The following HMX3 variants were observed in gnomAD, a reference collection of about 807,000 sequenced individuals.
The protein encoded by HMX3 is homeobox protein HMX3.
HMX3 carries 8 observed loss-of-function variants against 22.8 expected under a neutral mutation model. The observed-to-expected ratio is 0.35, with a 90% CI of 0.21 to 0.63. The LOEUF (loss-of-function observed/expected upper bound fraction) is 0.63. Ranked by LOEUF, HMX3 falls within the 30% of genes least tolerant of loss-of-function variation. HMX3 has a pLI of 0.72. For synonymous variants in HMX3, 331 were observed against 250.9 expected (o/e 1.32, Z -3.02); for missense variants, 527 against 520.6 (o/e 1.01, Z -0.12).
In HMX3 at chr10:123,137,075, C is replaced by T; in HGVS notation, c.418C>T (p.Leu140=). 6.2e-7 allele frequency: 1 copy of T among 1,609,914 alleles called. No individual in the cohort carries two copies. The highest frequency in any genetic ancestry group is 8.5e-7 in the Non-Finnish European group (1 of 1,178,660). ...PRPEASEKAL[L]RDSSPASGTD... ...CTCCCCAGCCTCGGAGAAGGCCTTGCTGAGAGACTCCTCCCCCGCCTCCGG... is the reference window on the plus strand; with the variant it reads ...CTCCCCAGCCTCGGAGAAGGCCTTGTTGAGAGACTCCTCCCCCGCCTCCGG... Residue 140 remains leucine, a synonymous_variant, in exon 2 of 2, where the codon CTG becomes TTG. Transcript: ENST00000357878. This position sits in a 1 kb window ranked among gnomAD's most constrained non-coding sequence, Gnocchi z 5.8.
rs1402384142 is a variant in HMX3 at position 123,137,300 on chromosome 10, G to A, written c.643G>A (p.Gly215Ser). 1.9e-6 allele frequency: 3 copies of A among 1,604,406 alleles called. No homozygotes were observed. The African/African-American group carries it at 4.0e-5, about 21-fold the overall frequency. ...TCCGGGCGCAGAAGACTGGAAGAAG[G>A]GCGCTGAAAGTCCAGAGAAGAAGCC... The part of the protein sequence containing the change: ...ATPGAEDWKK[G>S]AESPEKKPAC... The change falls in exon 2 of 2, where the codon GGC becomes AGC. Residue 215 changes from glycine to serine, a missense_variant. This residue lies in a region of HMX3 where 386 missense variants were observed against 337.8 expected (regional missense o/e 1.14). Transcript: ENST00000357878. This position sits in a 1 kb window ranked among gnomAD's most constrained non-coding sequence, Gnocchi z 5.8.
rs1238997480 is a variant in HMX3 at position 123,136,103 on chromosome 10, C to G, written c.53C>G (p.Pro18Arg). 2.9e-6 allele frequency: 4 copies of G among 1,389,918 alleles called. No individual in the cohort carries two copies. Among genetic ancestry groups the G allele is most frequent in the Non-Finnish European group, 3.7e-6 (4 of 1,070,980 alleles). The allele number at this position is 1,389,918 out of a possible 1,614,324, so 86.1% of individuals were successfully genotyped here. The change falls in exon 1 of 2, where the codon CCG (proline) becomes CGG (arginine). Residue 18 changes from proline to arginine, a missense_variant. Physicochemically the swap from Pro to Arg is moderately radical, Grantham distance 103 (BLOSUM62 -2). Transcript: ENST00000357878. The surrounding 1 kb of genome is among the most constrained non-coding windows in gnomAD (Gnocchi z 4.8). ...AAGTASAQPQ[P>R]PPPPPPAPKE... is the part of the protein sequence containing the mutation. Reference sequence around the variant, plus strand: ...GGCACCGCCAGCGCACAGCCCCAACCGCCGCCGCCCCCCCCACCCGCTCCC... The same window carrying G: ...GGCACCGCCAGCGCACAGCCCCAACGGCCGCCGCCCCCCCCACCCGCTCCC...
Position 123,137,404 on chromosome 10 carries a change from G to A in HMX3, c.747G>A (p.Lys249=). ...AGCTCGAGTCCACCTTCGACATGAA[G>A]CGCTATCTGAGCAGCTCGGAGCGAG... ...VFQLESTFDM[K]RYLSSSERAG... is the part of the protein sequence containing the mutation. Residue 249 remains lysine (K), a synonymous_variant, in exon 2 of 2, where the codon AAG becomes AAA. Coordinates refer to ENST00000357878, the MANE Select transcript of HMX3 (RefSeq NM_001105574.2). The surrounding 1 kb of genome is among the most constrained non-coding windows in gnomAD (Gnocchi z 5.8). 1.2e-6 allele frequency: 2 copies of A among 1,613,508 alleles called. No individual in the cohort carries two copies. The highest frequency in any genetic ancestry group is 1.6e-4 in the Middle Eastern group (1 of 6,062).
Position 123,137,772 on chromosome 10 carries a change from T to G in HMX3, c.*41T>G. 7.3e-7 allele frequency: 1 copy of G among 1,372,232 alleles called. No homozygotes were observed. Among genetic ancestry groups the G allele is most frequent in the Non-Finnish European group, 9.5e-7 (1 of 1,054,694 alleles). The allele number at this position is 1,372,232 out of a possible 1,614,324, so 85.0% of individuals were successfully genotyped here. On this transcript the variant is annotated 3_prime_UTR_variant, in exon 2 of 2. Coordinates refer to ENST00000357878, the MANE Select transcript of HMX3 (RefSeq NM_001105574.2). The surrounding 1 kb of genome is among the most constrained non-coding windows in gnomAD (Gnocchi z 5.8). ...GGGGAGGGAGCGCCCGGCCTCCTTG[T>G]CCGGACCCCGGAGGAGACTGGGCCG...
Position 123,136,232 on chromosome 10 carries a change from C to T in HMX3, c.182C>T (p.Ala61Val). The T allele has an allele frequency of 7.5e-6, 10 of 1,336,162 alleles. No individual in the cohort carries two copies. Among genetic ancestry groups the T allele is most frequent in the Non-Finnish European group, 9.5e-6 (10 of 1,047,396 alleles). 82.8% of individuals were successfully genotyped at this position (1,336,162 alleles called of 1,614,324 possible). A position where few individuals can be genotyped will look rare whatever the true frequency, so the allele number is the denominator to read the frequency against. ...PPRTLFAPAS[A>V]AAAAAAAAAA... ...CGGACGCTCTTCGCGCCAGCCTCGG[C>T]TGCCGCCGCCGCCGCCGCTGCCGCT... Residue 61 changes from alanine (A) to valine (V), a missense_variant, in exon 1 of 2, where the codon GCT becomes GTT. By Grantham distance (64) the Ala-to-Val change is moderately conservative. Around this residue, in one of 3 missense-constraint regions of HMX3, gnomAD observed 386 missense variants for 337.8 expected, o/e 1.14. Transcript: ENST00000357878. The surrounding 1 kb of genome is among the most constrained non-coding windows in gnomAD (Gnocchi z 4.8).
Position 123,135,982 on chromosome 10 carries a change from C to G in HMX3, c.-69C>G, listed in dbSNP as rs1040904147. 2.6e-5 allele frequency: 34 copies of G among 1,294,264 alleles called. No individual in the cohort carries two copies. The Admixed American group carries it at 6.7e-4, about 26-fold the overall frequency. The allele number at this position is 1,294,264 out of a possible 1,614,324, so 80.2% of individuals were successfully genotyped here. ...CCGTTTATGGTCTGATTTCCGGCCT[C>G]TCGCCTGCTCGCCCCGCCGCCCGCC... On this transcript the variant is annotated 5_prime_UTR_variant, in exon 1 of 2. Transcript: ENST00000357878.
Position 123,137,083 on chromosome 10 carries a change from C to T in HMX3, c.426C>T (p.Asp142=). 6.2e-7 allele frequency: 1 copy of T among 1,610,402 alleles called. No individual in the cohort carries two copies. Among genetic ancestry groups the T allele is most frequent in the Non-Finnish European group, 8.5e-7 (1 of 1,178,952 alleles). The part of the protein sequence containing the change: ...PEASEKALLR[D]SSPASGTDRD... ...CCTCGGAGAAGGCCTTGCTGAGAGA[C>T]TCCTCCCCCGCCTCCGGCACAGACC... The change falls in exon 2 of 2, where the codon GAC becomes GAT. Residue 142 remains aspartate, a synonymous_variant. Coordinates refer to ENST00000357878, the MANE Select transcript of HMX3 (RefSeq NM_001105574.2). This position sits in a 1 kb window ranked among gnomAD's most constrained non-coding sequence, Gnocchi z 5.8.
At position 123,137,084 on chromosome 10, in the gene HMX3, T is replaced by C. The variant is rs1280146488; in HGVS notation, c.427T>C (p.Ser143Pro). 1 of 1,610,076 alleles carries C rather than the reference T, an allele frequency of 6.2e-7. No individual in the cohort carries two copies. The highest frequency in any genetic ancestry group is 1.7e-4 in the Middle Eastern group (1 of 6,052). The change falls in exon 2 of 2, where the codon TCC (serine) becomes CCC (proline). Residue 143 changes from serine (S) to proline (P), a missense_variant. Transcript: ENST00000357878. This position sits in a 1 kb window ranked among gnomAD's most constrained non-coding sequence, Gnocchi z 5.8. ...CTCGGAGAAGGCCTTGCTGAGAGAC[T>C]CCTCCCCCGCCTCCGGCACAGACCG... ...EASEKALLRD[S>P]SPASGTDRDS...
chr10:123,137,759 C>T lies in HMX3; in HGVS notation c.*28C>T, dbSNP rs1447633404. ...CCCCAGAGGGGTGGGGGAGGGAGCG[C>T]CCGGCCTCCTTGTCCGGACCCCGGA... On this transcript the variant is annotated 3_prime_UTR_variant, in exon 2 of 2. Transcript: ENST00000357878. The surrounding 1 kb of genome is among the most constrained non-coding windows in gnomAD (Gnocchi z 5.8). 2.1e-6 allele frequency: 3 copies of T among 1,400,018 alleles called. No individual in the cohort carries two copies. The highest frequency in any genetic ancestry group is 2.8e-6 in the Non-Finnish European group (3 of 1,078,788). The allele number at this position is 1,400,018 out of a possible 1,614,324, so 86.7% of individuals were successfully genotyped here.
chr10:123,136,983 C>G lies in HMX3; in HGVS notation c.401-75C>G, dbSNP rs900958653. On this transcript the variant is annotated intron_variant, in intron 1 of 1. Transcript: ENST00000357878. The surrounding 1 kb of genome is among the most constrained non-coding windows in gnomAD (Gnocchi z 4.8). ...GGAGGCCGGCGCGGGTTGAGCCTGC[C>G]GTCCCCAGGCGCCGGGCCTCGCTCA... is the stretch of plus-strand genomic sequence containing the variant. The G allele has an allele frequency of 2.1e-5, 30 of 1,459,248 alleles. No homozygotes were observed. The African/African-American group carries it at 2.4e-4, about 12-fold the overall frequency. 90.4% of individuals were successfully genotyped at this position (1,459,248 alleles called of 1,614,324 possible). A position where few individuals can be genotyped will look rare whatever the true frequency, so the allele number is the denominator to read the frequency against.
Position 123,136,463 on chromosome 10 carries a change from CT to C in HMX3, c.400+16del. On this transcript the variant is annotated intron_variant, in intron 1 of 1. Coordinates refer to ENST00000357878, the MANE Select transcript of HMX3 (RefSeq NM_001105574.2). The surrounding 1 kb of genome is among the most constrained non-coding windows in gnomAD (Gnocchi z 4.8). ...CCGCGACCTGAAGGTACCGACCTCT[CT>C]TTGAACTTTCGTTGTCCCCCTGCGC... is the stretch of plus-strand genomic sequence containing the variant. 1.4e-6 allele frequency: 2 copies of C among 1,381,702 alleles called. No homozygotes were observed. Among genetic ancestry groups the C allele is most frequent in the Non-Finnish European group, 9.4e-7 (1 of 1,058,724 alleles). The allele number at this position is 1,381,702 out of a possible 1,614,324, so 85.6% of individuals were successfully genotyped here. A position where few individuals can be genotyped will look rare whatever the true frequency, so the allele number is the denominator to read the frequency against.
In HMX3 at chr10:123,137,846, G is replaced by A; in HGVS notation, c.*115G>A. The A allele has an allele frequency of 1.4e-6, 1 of 698,470 alleles. No homozygotes were observed. The highest frequency in any genetic ancestry group is 3.2e-5 in the East Asian group (1 of 31,654). 43.3% of individuals were successfully genotyped at this position (698,470 alleles called of 1,614,324 possible). On this transcript the variant is annotated 3_prime_UTR_variant, in exon 2 of 2. Transcript: ENST00000357878. This position sits in a 1 kb window ranked among gnomAD's most constrained non-coding sequence, Gnocchi z 5.8. The stretch of plus-strand genomic sequence containing the variant: ...GCGGCCTTCAGGAACTGGGGCTTGG[G>A]CGCGCAGCCTCTGCTTCCCCTCCCC...
Position 123,139,218 on chromosome 10 carries a change from CG to C in HMX3, c.*1488del, listed in dbSNP as rs1844112532. Among the ~76,000 whole-genome samples the C allele has an allele frequency of 1.3e-5, 2 of 152,066 alleles. No individual in the cohort carries two copies. Among genetic ancestry groups the C allele is most frequent in the Admixed American group, 6.5e-5 (1 of 15,268 alleles). ...TTCTTGTAAAGTTCACCCTCTACTC[CG>C]CAGGGCTCCTGGCTCTGTCACCCAA... On this transcript the variant is annotated 3_prime_UTR_variant, in exon 2 of 2. Coordinates refer to ENST00000357878, the MANE Select transcript of HMX3 (RefSeq NM_001105574.2).
Position 123,136,105 on chromosome 10 carries a change from C to A in HMX3, c.55C>A (p.Pro19Thr). 1 of 1,383,744 alleles carries A rather than the reference C, an allele frequency of 7.2e-7. No homozygotes were observed. 85.7% of individuals were successfully genotyped at this position (1,383,744 alleles called of 1,614,324 possible). A position where few individuals can be genotyped will look rare whatever the true frequency, so the allele number is the denominator to read the frequency against. ...CACCGCCAGCGCACAGCCCCAACCG[C>A]CGCCGCCCCCCCCACCCGCTCCCAA... ...AGTASAQPQPPPPPPPAPKES... is the reference protein window; with the variant it reads ...AGTASAQPQPTPPPPPAPKES... The change falls in exon 1 of 2, where the codon CCG (proline) becomes ACG (threonine). Residue 19 changes from proline (P) to threonine (T), a missense_variant. Coordinates refer to ENST00000357878, the MANE Select transcript of HMX3 (RefSeq NM_001105574.2). The surrounding 1 kb of genome is among the most constrained non-coding windows in gnomAD (Gnocchi z 4.8).
chr10:123,136,589 G>GC lies in HMX3; in HGVS notation c.400+142dup, dbSNP rs1844078229. 1.6e-6 allele frequency: 1 copy of GC among 616,452 alleles called. No homozygotes were observed. The highest frequency in any genetic ancestry group is 2.4e-6 in the Non-Finnish European group (1 of 412,218). The allele number at this position is 616,452 out of a possible 1,614,324, so 38.2% of individuals were successfully genotyped here. ...GTCAGTTTTTTTCGGCCCCTAGCCTGCCCTCGCGCTGGGTTGCGCTGCCCG... is the reference window on the plus strand; with the variant it reads ...GTCAGTTTTTTTCGGCCCCTAGCCTGCCCCTCGCGCTGGGTTGCGCTGCCCG... On this transcript the variant is annotated intron_variant, in intron 1 of 1. Coordinates refer to ENST00000357878, the MANE Select transcript of HMX3 (RefSeq NM_001105574.2). The surrounding 1 kb of genome is among the most constrained non-coding windows in gnomAD (Gnocchi z 4.8).
Position 123,137,029 on chromosome 10 carries a change from T to C in HMX3, c.401-29T>C. On this transcript the variant is annotated intron_variant, in intron 1 of 1. Coordinates refer to ENST00000357878, the MANE Select transcript of HMX3 (RefSeq NM_001105574.2). The surrounding 1 kb of genome is among the most constrained non-coding windows in gnomAD (Gnocchi z 5.8). Reference sequence around the variant, plus strand: ...GCTCAAGGCTGTGTCGGTGTGCATGTGTGTGCGTCCGTCTGTCTGTCTCCC... The same window carrying C: ...GCTCAAGGCTGTGTCGGTGTGCATGCGTGTGCGTCCGTCTGTCTGTCTCCC... 1.9e-6 allele frequency: 3 copies of C among 1,575,106 alleles called. No individual in the cohort carries two copies. Among genetic ancestry groups the C allele is most frequent in the Non-Finnish European group, 2.6e-6 (3 of 1,162,336 alleles).
In HMX3 at chr10:123,136,041, A is replaced by G; in HGVS notation, c.-10A>G. 7.4e-7 allele frequency: 1 copy of G among 1,356,292 alleles called. No individual in the cohort carries two copies. The highest frequency in any genetic ancestry group is 3.7e-5 in the Admixed American group (1 of 26,708). 84.0% of individuals were successfully genotyped at this position (1,356,292 alleles called of 1,614,324 possible). On this transcript the variant is annotated 5_prime_UTR_variant, in exon 1 of 2. Coordinates refer to ENST00000357878, the MANE Select transcript of HMX3 (RefSeq NM_001105574.2). The surrounding 1 kb of genome is among the most constrained non-coding windows in gnomAD (Gnocchi z 4.8). ...TCCCTCCCTCCCGGGGACCCGGAGG[A>G]GAGGGGACCATGCCGGAACCCGGGC...
In HMX3 at chr10:123,138,456, T is replaced by C. The variant is rs1844102851; in HGVS notation, c.*725T>C. ...AGCCACTGCGCCCGGCCTAGTTTAT[T>C]CCTTTTCTATAGAACTGTTTTCAGA... On this transcript the variant is annotated 3_prime_UTR_variant, in exon 2 of 2. Transcript: ENST00000357878. Among the ~76,000 whole-genome samples, 2 of 152,206 alleles carry C rather than the reference T, an allele frequency of 1.3e-5. No homozygotes were observed. The highest frequency in any genetic ancestry group is 1.3e-4 in the Admixed American group (2 of 15,290).
rs1174965027 is a variant in HMX3, at chr10:123,136,265, C to T, written c.215C>T (p.Ala72Val). 3 of 1,373,276 alleles carry T rather than the reference C, an allele frequency of 2.2e-6. No individual in the cohort carries two copies. The highest frequency in any genetic ancestry group is 1.9e-5 in the South Asian group (1 of 52,220). The allele number at this position is 1,373,276 out of a possible 1,614,324, so 85.1% of individuals were successfully genotyped here. The change falls in exon 1 of 2, where the codon GCG becomes GTG. Residue 72 changes from alanine (A) to valine (V), a missense_variant. Ala to Val is a moderately conservative substitution (Grantham distance 64). This residue lies in a region of HMX3 where 386 missense variants were observed against 337.8 expected (regional missense o/e 1.14). Coordinates refer to ENST00000357878, the MANE Select transcript of HMX3 (RefSeq NM_001105574.2). The surrounding 1 kb of genome is among the most constrained non-coding windows in gnomAD (Gnocchi z 4.8). ...GCCGCCGCCGCTGCCGCTGCCGCGG[C>T]GGCCAAGGGGGCCCTGGAGGGCGCC... ...AAAAAAAAAA[A>V]AKGALEGAAG...
Sources: gnomAD v4.1 joint callset for allele counts (sites outside exome capture counted in the v4.1 genomes callset) on GRCh38, gnomAD v4.1.1 for gene constraint, gnomAD v4.1.1 regional missense constraint, Gnocchi (gnomAD v3.1) non-coding constraint, MANE v1.5 for transcripts, NCBI Gene and HGNC (gene_info 2026-07-23, HGNC 2026-07-21) for gene names.